Variants in KIDINS220 observed in about 807,000 individuals in gnomAD.
KIDINS220 encodes kinase D interacting substrate 220.
A neutral mutation model predicts 157.6 loss-of-function variants in KIDINS220; 63 were observed. The observed-to-expected ratio is 0.40, with a 90% CI of 0.33 to 0.49. KIDINS220 has a LOEUF of 0.49. Ranked by LOEUF, KIDINS220 falls within the 20% of genes least tolerant of loss-of-function variation. The pLI is 0.66. For missense variants in KIDINS220, 1,772 were observed against 2,171.2 expected (o/e 0.82, Z 3.65); for synonymous variants, 732 against 783.6 (o/e 0.93, Z 1.10).
intron 1 of KIDINS220, among the ~76,000 whole-genome samples, chr2:8,832,547 G>A (rs930920684): frequency 6.6e-5 from 10 of 152,276 alleles, no homozygotes; most frequent in Admixed American, 2.6e-4. Flanking sequence ...AAAGAAAAGT[G>A]TGGAAGGACA....
At chr2:8,736,431 A>G (rs2147972676) in intron 27 of KIDINS220, among the ~76,000 whole-genome samples, 1 of 152,384 alleles carries the variant, frequency 6.6e-6, no homozygotes. Flanking sequence ...TGACATGAAA[A>G]TGAGAATTTG....
chr2:8,826,406 C>A (rs1490216677), intron 2 of KIDINS220, among the ~76,000 whole-genome samples: 4 of 152,052 alleles, frequency 2.6e-5, no homozygotes, highest in Admixed American at 6.6e-5. Context: ...GTCGGGAGTT[C>A]AAGACCAGCC....
chr2:8,763,222 G>A (rs960547334), intron 22 of KIDINS220, among the ~76,000 whole-genome samples: 11 of 152,212 alleles, frequency 7.2e-5, no homozygotes, highest in African/African-American at 1.7e-4. Flanking sequence ...TTGGGGAAGC[G>A]CAGTTACAGC....
At position 8,816,490 on chromosome 2, in the gene KIDINS220, C is replaced by G. The variant is rs556114363; in HGVS notation, c.306+1128G>C. On this transcript the variant is annotated intron_variant, in intron 4 of 29. Transcript: ENST00000256707. Reference sequence around the variant, plus strand: ...AGCAGCTATAAAGCACCTAAAGAAGCCAGGCACGGAATAACTGGTATGGTA... The same window carrying G: ...AGCAGCTATAAAGCACCTAAAGAAGGCAGGCACGGAATAACTGGTATGGTA... Among the ~76,000 whole-genome samples the G allele has an allele frequency of 3.3e-5, 5 of 152,320 alleles. No individual in the cohort carries two copies. The East Asian group carries it at 7.7e-4, about 24-fold the overall frequency.
intron 24 of KIDINS220, among the ~76,000 whole-genome samples, chr2:8,749,658 T>C (rs1039434040): frequency 1.3e-5 from 2 of 152,220 alleles, no homozygotes; most frequent in Non-Finnish European, 2.9e-5. Flanking sequence ...ACAGCAGTAC[T>C]TTCCCATTAT....
rs1663751939 is a variant in KIDINS220 at position 8,729,588 on chromosome 2, A to G, written c.*1132T>C. The G allele has an allele frequency of 1.0e-6, 1 of 964,012 alleles. No homozygotes were observed. The highest frequency in any genetic ancestry group is 1.9e-5 in the African/African-American group (1 of 51,974). 59.7% of individuals were successfully genotyped at this position (964,012 alleles called of 1,614,324 possible). ...TTACAGTCACAGCACTTATATAGAT[A>G]TATATATATATTTTACCCTTGCTTT... On this transcript the variant is annotated 3_prime_UTR_variant, in exon 30 of 30. Transcript: ENST00000256707.
At chr2:8,828,673 A>G (rs1679184102) in intron 1 of KIDINS220, among the ~76,000 whole-genome samples, 1 of 152,240 alleles carries the variant, frequency 6.6e-6, no homozygotes, top group South Asian at 2.1e-4. Flanking sequence ...CACTAAAAGC[A>G]TGGTGCATAA....
chr2:8,755,965 C>T (rs1572517515), intron 22 of KIDINS220, among the ~76,000 whole-genome samples: 1 of 152,170 alleles, frequency 6.6e-6, no homozygotes, highest in East Asian at 1.9e-4. Context: ...TTTGAGGTGT[C>T]TTGCAATTGC....
Position 8,776,883 on chromosome 2 carries a change from G to T in KIDINS220, c.2713C>A (p.Arg905=). The T allele has an allele frequency of 6.2e-7, 1 of 1,613,282 alleles. No homozygotes were observed. The highest frequency in any genetic ancestry group is 8.5e-7 in the Non-Finnish European group (1 of 1,179,634). Reference sequence around the variant, plus strand: ...ATGGTCCTCTGCATCTGCCTTCTTCGGTAAGTGTCCTGAAACAGCACGTCG... The same window carrying T: ...ATGGTCCTCTGCATCTGCCTTCTTCTGTAAGTGTCCTGAAACAGCACGTCG... ...KTALNRRDTY[R]RRQMQRTITR... Residue 905 remains arginine, a synonymous_variant, in exon 21 of 30, where the codon CGA becomes AGA. Coordinates refer to ENST00000256707, the MANE Select transcript of KIDINS220 (RefSeq NM_020738.4).
Position 8,770,660 on chromosome 2 carries a change from C to T in KIDINS220, c.3011+10G>A. Reference sequence around the variant, plus strand: ...AATAAAGTAAAATACAAAGAGGTCACAAAAGGTACCTTTCGTAGATGGTTT... The same window carrying T: ...AATAAAGTAAAATACAAAGAGGTCATAAAAGGTACCTTTCGTAGATGGTTT... On this transcript the variant is annotated intron_variant, in intron 22 of 29. Coordinates refer to ENST00000256707, the MANE Select transcript of KIDINS220 (RefSeq NM_020738.4). 1 of 1,524,402 alleles carries T rather than the reference C, an allele frequency of 6.6e-7. No individual in the cohort carries two copies. Among genetic ancestry groups the T allele is most frequent in the Non-Finnish European group, 8.9e-7 (1 of 1,126,170 alleles). The allele number at this position is 1,524,402 out of a possible 1,614,324, so 94.4% of individuals were successfully genotyped here.
chr2:8,787,833 C>A (rs1572658178), intron 15 of KIDINS220, among the ~76,000 whole-genome samples: 1 of 150,878 alleles, frequency 6.6e-6, no homozygotes, highest in East Asian at 2.0e-4. Context: ...AAATTTCCTA[C>A]TTAATATGAA....
At chr2:8,746,277 A>G (rs1257344587) in intron 26 of KIDINS220, among the ~76,000 whole-genome samples, 1 of 150,658 alleles carries the variant, frequency 6.6e-6, no homozygotes, top group Non-Finnish European at 1.5e-5. Context: ...TAATTCTCGT[A>G]TTTTCTTTAG....
chr2:8,813,376 T>C (rs1676602270), intron 4 of KIDINS220, 41 bp from the exon 5 acceptor site: 1 of 1,342,900 alleles, frequency 7.4e-7, no homozygotes, highest in East Asian at 2.3e-5. Flanking sequence ...AAACTTTAAA[T>C]CATCTCTGAG....
chr2:8,723,195 G>T (rs1663059548), downstream of KIDINS220: 1 of 152,284 alleles, frequency 6.6e-6, no homozygotes, highest in Non-Finnish European at 1.5e-5. Flanking sequence ...AGCTCAGCAG[G>T]AGTCCATGAC....
Position 8,757,511 on chromosome 2 carries a change from T to C in KIDINS220, c.3012-5867A>G, listed in dbSNP as rs1410387379. The C allele has an allele frequency of 4.2e-6, 6 of 1,429,582 alleles. No individual in the cohort carries two copies. In the African/African-American group the frequency reaches 8.6e-5, roughly 21 times the overall value. The allele number at this position is 1,429,582 out of a possible 1,614,324, so 88.6% of individuals were successfully genotyped here. ...TTCAGAGGAGCAGAAGTGACTGTAC[T>C]GTTGTTTGCTCTTTAATGTTTCAAC... On this transcript the variant is annotated intron_variant, in intron 22 of 29. Transcript: ENST00000256707.
At chr2:8,744,479 G>T (rs1229476527) in intron 26 of KIDINS220, among the ~76,000 whole-genome samples, 47 of 119,156 alleles carry the variant, frequency 3.9e-4, no homozygotes, top group African/African-American at 1.5e-3. Flanking sequence ...ACCATAGCTG[G>T]TTAACCCCTT....
At chr2:8,802,847 A>G (rs1674911279) in intron 8 of KIDINS220, 83 bp downstream of exon 8, 2 of 1,057,894 alleles carry the variant, frequency 1.9e-6, no homozygotes, top group Non-Finnish European at 2.8e-6. Context: ...GTCATGCATG[A>G]GAATCTTGAA....
At chr2:8,733,296 A>C (rs756321511) in intron 29 of KIDINS220, 148 bp downstream of exon 29, 54 of 691,108 alleles carry the variant, frequency 7.8e-5, no homozygotes, top group Non-Finnish European at 1.2e-4. Context: ...CAGCTCCTTG[A>C]GTACAGGGAG....
chr2:8,726,097 T>C (rs539138714), downstream of KIDINS220, among the ~76,000 whole-genome samples: 1 of 152,234 alleles, frequency 6.6e-6, no homozygotes, highest in Admixed American at 6.5e-5. Context: ...TCACTCCAGA[T>C]AGGTTTTTAT....
Sources: allele counts gnomAD v4.1 joint callset (sites outside exome capture counted in the v4.1 genomes callset), GRCh38; gene constraint gnomAD v4.1.1; transcripts MANE v1.5; gene names NCBI Gene and HGNC (gene_info 2026-07-23, HGNC 2026-07-21).